ITGB5: variants seen among roughly 807,000 people sequenced by gnomAD.
ITGB5 encodes the protein integrin beta-5.
ITGB5 carries 38 observed loss-of-function variants against 84.8 expected under a neutral mutation model. That is an observed-to-expected ratio of 0.45 (90% CI 0.35 to 0.59). ITGB5 has a LOEUF of 0.59. Among genes scored for constraint, ITGB5 ranks in the 20% least tolerant of loss-of-function variants. The probability of loss-of-function intolerance (pLI) is 0.01; values close to 1 mark genes in which losing one functional copy is unlikely to be tolerated. For synonymous variants in ITGB5, 393 were observed against 414.4 expected (o/e 0.95, Z 0.63); for missense variants, 905 against 1,034.5 (o/e 0.87, Z 1.72).
chr3:124,824,894 G>A (rs1157790477), intron 5 of ITGB5, among the ~76,000 whole-genome samples: 1 of 152,200 alleles, frequency 6.6e-6, no homozygotes, highest in African/African-American at 2.4e-5. Flanking sequence ...ACAGTATCAA[G>A]TGCTGATAAA....
intron 4 of ITGB5, among the ~76,000 whole-genome samples, chr3:124,844,566 A>T (rs1235384405): frequency 6.6e-6 from 1 of 152,280 alleles, no homozygotes; most frequent in East Asian, 1.9e-4. Flanking sequence ...TCTCAAAAAA[A>T]AAAGGTAGGA....
At chr3:124,813,871 T>A (rs2064543511) in intron 8 of ITGB5, among the ~76,000 whole-genome samples, 1 of 151,906 alleles carries the variant, frequency 6.6e-6, no homozygotes, top group Non-Finnish European at 1.5e-5. Context: ...GGTCATGGAG[T>A]GGGGCTGAAA....
chr3:124,896,102 C>T (rs761373961), intron 1 of ITGB5, among the ~76,000 whole-genome samples: 6 of 152,168 alleles, frequency 3.9e-5, no homozygotes, highest in Admixed American at 2.6e-4. Flanking sequence ...CCTGTTTGAA[C>T]GTGTTCTTTA....
Position 124,784,341 on chromosome 3 carries a change from C to A in ITGB5, c.1694-10429G>T, listed in dbSNP as rs140459000. Among the ~76,000 whole-genome samples, 63 of 151,718 alleles carry A rather than the reference C, an allele frequency of 4.2e-4. 1 individual carries two copies. The highest frequency in any genetic ancestry group is 3.4e-3 in the Middle Eastern group (1 of 294). On this transcript the variant is annotated intron_variant, in intron 10 of 14. Transcript: ENST00000296181. ...GCAAAACAGTGAGACCCCATCTCTA[C>A]GAAAAAATTAAAAATTAGCCAGGCA...
At chr3:124,894,193 C>T (rs1159955781) in intron 1 of ITGB5, among the ~76,000 whole-genome samples, 1 of 124,612 alleles carries the variant, frequency 8.0e-6, no homozygotes, top group African/African-American at 3.1e-5. Context: ...AGTGCAGTGG[C>T]ACGATCTCGG....
At chr3:124,885,964 G>C (rs1934784928) in intron 1 of ITGB5, among the ~76,000 whole-genome samples, 1 of 152,292 alleles carries the variant, frequency 6.6e-6, no homozygotes, top group African/African-American at 2.4e-5. Context: ...AGTATCTCCG[G>C]CTTGAAAGTT....
intron 4 of ITGB5, among the ~76,000 whole-genome samples, chr3:124,843,781 T>C (rs2065041316): frequency 6.6e-6 from 1 of 152,166 alleles, no homozygotes. Context: ...CCTACCCCTC[T>C]CATGTGTCTG....
At chr3:124,851,758 G>A (rs2065159665) in intron 3 of ITGB5, among the ~76,000 whole-genome samples, 1 of 152,128 alleles carries the variant, frequency 6.6e-6, no homozygotes, top group Admixed American at 6.5e-5. Context: ...CAGAATGAGG[G>A]TTTATTGCTG....
chr3:124,869,812 C>T (rs1463285100), intron 2 of ITGB5, among the ~76,000 whole-genome samples: 1 of 152,126 alleles, frequency 6.6e-6, no homozygotes, highest in Non-Finnish European at 1.5e-5. Context: ...CTAGGGACAC[C>T]TTCATTTACT....
At chr3:124,778,678 GA>G (rs2063959200) in intron 10 of ITGB5, among the ~76,000 whole-genome samples, 1 of 152,194 alleles carries the variant, frequency 6.6e-6, no homozygotes, top group South Asian at 2.1e-4. Context: ...GAGGATGGGG[GA>G]TTTTGCAGAT....
At chr3:124,870,621 G>A (rs1933967210) in intron 2 of ITGB5, among the ~76,000 whole-genome samples, 1 of 152,030 alleles carries the variant, frequency 6.6e-6, no homozygotes, top group Non-Finnish European at 1.5e-5. Flanking sequence ...CAGCTACTCA[G>A]GAGGCTGAGG....
At chr3:124,776,554 A>G (rs1292312020) in intron 10 of ITGB5, among the ~76,000 whole-genome samples, 1 of 152,084 alleles carries the variant, frequency 6.6e-6, no homozygotes, top group East Asian at 1.9e-4. Flanking sequence ...CTGCTTATCT[A>G]TCCACCTGTC....
At chr3:124,861,235 A>T (rs1418062624) in intron 2 of ITGB5, among the ~76,000 whole-genome samples, 1 of 151,882 alleles carries the variant, frequency 6.6e-6, no homozygotes, top group Non-Finnish European at 1.5e-5. Context: ...ATCCCCGAGG[A>T]TCTTGCCTGT....
At chr3:124,773,983 C>A in intron 10 of ITGB5, 71 bp from the exon 11 acceptor site, 1 of 1,373,896 alleles carries the variant, frequency 7.3e-7, no homozygotes, top group East Asian at 2.3e-5. Flanking sequence ...TCTGGTGCCC[C>A]ACATGCCAGG....
intron 8 of ITGB5, among the ~76,000 whole-genome samples, chr3:124,815,931 T>C (rs139185737): frequency 0.013 from 2,034 of 152,314 alleles, 34 homozygotes; most frequent in South Asian, 0.045. Flanking sequence ...CTCTGGGTTC[T>C]GAAGTGCCTA....
chr3:124,784,015 G>C (rs907512313), intron 10 of ITGB5, among the ~76,000 whole-genome samples: 1 of 152,108 alleles, frequency 6.6e-6, no homozygotes, highest in Non-Finnish European at 1.5e-5. Context: ...TGGACTACAT[G>C]GGGCATTCTG....
chr3:124,882,835 G>A (rs1005087752), intron 1 of ITGB5, among the ~76,000 whole-genome samples: 5 of 152,138 alleles, frequency 3.3e-5, no homozygotes, highest in Admixed American at 1.3e-4. Flanking sequence ...AGGGTACCCC[G>A]CAGTGCCTTC....
At chr3:124,775,540 T>A (rs935905348) in intron 10 of ITGB5, among the ~76,000 whole-genome samples, 9 of 152,198 alleles carry the variant, frequency 5.9e-5, no homozygotes, top group African/African-American at 2.2e-4. Flanking sequence ...CAGAACGCAG[T>A]GCTACAATTG....
Position 124,834,087 on chromosome 3 carries a change from A to G in ITGB5, c.780+7296T>C, listed in dbSNP as rs2064894827. On this transcript the variant is annotated intron_variant, in intron 5 of 14. Coordinates refer to ENST00000296181, the MANE Select transcript of ITGB5 (RefSeq NM_002213.5). The stretch of plus-strand genomic sequence containing the variant: ...CCGGGGGAGGAAGCAGGAATGGACA[A>G]GTGGAGCACAGGGACTTCCGGGGCA... Among the ~76,000 whole-genome samples the G allele has an allele frequency of 2.0e-5, 3 of 152,140 alleles. No homozygotes were observed. The South Asian group carries it at 6.2e-4, about 31-fold the overall frequency.
Sources: gnomAD v4.1 joint callset for allele counts (sites outside exome capture counted in the v4.1 genomes callset) on GRCh38, gnomAD v4.1.1 for gene constraint, MANE v1.5 for transcripts, NCBI Gene and HGNC (gene_info 2026-07-23, HGNC 2026-07-21) for gene names.